The following OPCML variants were observed in gnomAD, a reference collection of about 807,000 sequenced individuals.
The protein encoded by OPCML is opioid binding protein/cell adhesion molecule like, also known as opioid-binding protein/cell adhesion molecule.
OPCML carries 13 observed loss-of-function variants against 37.8 expected under a neutral mutation model. That is an observed-to-expected ratio of 0.34 (90% CI 0.22 to 0.55). The LOEUF is 0.55. OPCML is among the 20% of genes least tolerant of loss of function. OPCML has a pLI of 0.91. For missense variants in OPCML, 341 were observed against 435.6 expected, an observed-to-expected ratio of 0.78 and a Z score of 1.93; for synonymous variants, 176 against 168.8, an observed-to-expected ratio of 1.04 and a Z score of -0.33.
At chr11:133,375,531 A>C (rs569366994) in intron 1 of OPCML, among the ~76,000 whole-genome samples, 1 of 152,324 alleles carries the variant, frequency 6.6e-6, no homozygotes, top group East Asian at 1.9e-4. Context: ...AGAAAATGTT[A>C]GATCCAAAAG....
intron 1 of OPCML, among the ~76,000 whole-genome samples, chr11:133,410,903 C>A (rs1411361599): frequency 6.6e-6 from 1 of 152,146 alleles, no homozygotes; most frequent in Non-Finnish European, 1.5e-5. Flanking sequence ...CTCTTAGAGA[C>A]CATGGGACCA....
At chr11:133,390,973 A>G (rs1945162311) in intron 1 of OPCML, among the ~76,000 whole-genome samples, 1 of 152,170 alleles carries the variant, frequency 6.6e-6, no homozygotes, top group South Asian at 2.1e-4. Context: ...GCTTATGTGC[A>G]GCTTAAAAAC....
intron 1 of OPCML, chr11:133,118,271 T>C (rs1231658940): frequency 1.8e-5 from 18 of 985,322 alleles, no homozygotes; most frequent in Non-Finnish European, 2.0e-5. Flanking sequence ...TTTGTTCACA[T>C]CATATGAGCT....
chr11:132,420,064 A>G lies in OPCML; in HGVS notation c.*129T>C, dbSNP rs956690009. ...AGCAAACAAACAAATAAACAAAAAC[A>G]AAAAGAAAACAAATCTAGAATAACA... On this transcript the variant is annotated 3_prime_UTR_variant, in exon 8 of 8. Transcript: ENST00000524381. 2 of 760,852 alleles carry G rather than the reference A, an allele frequency of 2.6e-6. No individual in the cohort carries two copies. The highest frequency in any genetic ancestry group is 1.8e-5 in the African/African-American group (1 of 56,278). The allele number at this position is 760,852 out of a possible 1,614,324, so 47.1% of individuals were successfully genotyped here.
chr11:132,825,066 A>G (rs78585663), intron 2 of OPCML, among the ~76,000 whole-genome samples: 2,451 of 152,208 alleles, frequency 0.016, 27 homozygotes, highest in Middle Eastern at 0.031. Flanking sequence ...ACCCTTCATC[A>G]TGATTTCATA....
At chr11:132,940,560 G>C (rs922296964) in intron 2 of OPCML, among the ~76,000 whole-genome samples, 6 of 152,202 alleles carry the variant, frequency 3.9e-5, no homozygotes, top group Non-Finnish European at 5.9e-5. Context: ...ATCTGGGGTT[G>C]AAGCCATGGG....
intron 1 of OPCML, among the ~76,000 whole-genome samples, chr11:133,097,651 A>C (rs1949024216): frequency 6.6e-6 from 1 of 152,198 alleles, no homozygotes; most frequent in Non-Finnish European, 1.5e-5. Flanking sequence ...AAGAGAGAAC[A>C]ACCAACTTAC....
At chr11:132,923,753 GA>G (rs1944890893) in intron 2 of OPCML, among the ~76,000 whole-genome samples, 1 of 106,330 alleles carries the variant, frequency 9.4e-6, no homozygotes, top group Admixed American at 9.0e-5. Flanking sequence ...GAAGTTACTT[GA>G]ATTTTTTTTT....
rs76649986 is a variant in OPCML, at chr11:133,031,133, G to A, written c.62-88123C>T. ...ACTAAGTCTGGCATTTAGTGTGTGC[G>A]CAAAAAGTACCTCTTCAAGAGATGA... On this transcript the variant is annotated intron_variant, in intron 1 of 7. Transcript: ENST00000524381. 9.6e-3 allele frequency among the ~76,000 whole-genome samples: 1,463 copies of A among 152,120 alleles called. 21 individuals are homozygous for A. Among genetic ancestry groups the A allele is most frequent in the Admixed American group, 0.013 (204 of 15,276 alleles).
chr11:133,045,460 T>C (rs1431364652), intron 1 of OPCML, among the ~76,000 whole-genome samples: 1 of 152,192 alleles, frequency 6.6e-6, no homozygotes, highest in Non-Finnish European at 1.5e-5. Flanking sequence ...ATCTGGCTTC[T>C]GGACAGAGCT....
chr11:132,781,499 T>C (rs200428479), intron 2 of OPCML, among the ~76,000 whole-genome samples: 3 of 152,150 alleles, frequency 2.0e-5, no homozygotes, highest in East Asian at 3.9e-4. Context: ...TTGCCCACTG[T>C]GGACTGTGGG....
intron 1 of OPCML, among the ~76,000 whole-genome samples, chr11:133,270,316 T>C (rs573520303): frequency 2.0e-5 from 3 of 152,242 alleles, no homozygotes; most frequent in Middle Eastern, 6.8e-3. Flanking sequence ...TTTAGCTAGA[T>C]GGGAAATTAT....
At chr11:133,133,524 C>T (rs555117755) in intron 1 of OPCML, among the ~76,000 whole-genome samples, 43 of 152,266 alleles carry the variant, frequency 2.8e-4, no homozygotes, top group African/African-American at 8.7e-4. Flanking sequence ...ACAGGCAGCC[C>T]GTTCTCCCCA....
At chr11:133,204,870 A>ATATATATATATATATATATATATATGTG (rs1565502165) in intron 1 of OPCML, among the ~76,000 whole-genome samples, 1 of 10,690 alleles carries the variant, frequency 9.4e-5, no homozygotes, top group Non-Finnish European at 1.9e-4. Flanking sequence ...ATATATGTGT[A>ATATATATATATATATATATATATATGTG]TATATATATA....
At chr11:133,464,603 G>T (rs1270130075) in intron 1 of OPCML, among the ~76,000 whole-genome samples, 5 of 152,122 alleles carry the variant, frequency 3.3e-5, no homozygotes, top group African/African-American at 9.7e-5. Flanking sequence ...ATCCAGAGTG[G>T]CATCCTGTGA....
At chr11:133,329,610 G>A (rs1470966386) in intron 1 of OPCML, among the ~76,000 whole-genome samples, 5 of 152,178 alleles carry the variant, frequency 3.3e-5, no homozygotes, top group African/African-American at 1.2e-4. Context: ...TTTAATAAAT[G>A]GTTCTGAGAA....
chr11:132,748,637 G>A (rs948250380), intron 2 of OPCML, among the ~76,000 whole-genome samples: 6 of 152,154 alleles, frequency 3.9e-5, no homozygotes, highest in Admixed American at 2.6e-4. Flanking sequence ...TGCGAGGGAG[G>A]GGCCTGCAGG....
chr11:133,434,777 G>GA (rs5795841), intron 1 of OPCML, among the ~76,000 whole-genome samples: 66 of 113,234 alleles, frequency 5.8e-4, no homozygotes, highest in South Asian at 8.2e-4. Flanking sequence ...GCTTTGGCCA[G>GA]AAAAAAAAAA....
At chr11:133,184,279 A>T (rs999495803) in intron 1 of OPCML, among the ~76,000 whole-genome samples, 1 of 152,190 alleles carries the variant, frequency 6.6e-6, no homozygotes, top group Non-Finnish European at 1.5e-5. Flanking sequence ...AAAAAAGGTA[A>T]CTGCTGTAAC....
Sources: gnomAD v4.1 joint callset for allele counts (sites outside exome capture counted in the v4.1 genomes callset) on GRCh38, gnomAD v4.1.1 for gene constraint, MANE v1.5 for transcripts, NCBI Gene and HGNC (gene_info 2026-07-23, HGNC 2026-07-21) for gene names.